EPHA6: variants seen among roughly 807,000 people sequenced by gnomAD.
The protein encoded by EPHA6 is EPH receptor A6, also known as ephrin type-A receptor 6.
A neutral mutation model predicts 112.0 loss-of-function variants in EPHA6; 50 were observed. The ratio of observed to expected loss-of-function variants is 0.45; its 90% confidence interval spans 0.36 to 0.56. The LOEUF is 0.56. Among genes scored for constraint, EPHA6 ranks in the 20% least tolerant of loss-of-function variants. The probability of loss-of-function intolerance (pLI) is 0.00; values close to 1 mark genes in which losing one functional copy is unlikely to be tolerated. For missense variants in EPHA6, 1,280 were observed against 1,417.4 expected, an observed-to-expected ratio of 0.90 and a Z score of 1.56; for synonymous variants, 529 against 490.7, an observed-to-expected ratio of 1.08 and a Z score of -1.03.
intron 2 of EPHA6, among the ~76,000 whole-genome samples, chr3:96,887,981 G>T (rs11926077): frequency 0.016 from 2,382 of 152,194 alleles, 64 homozygotes; most frequent in African/African-American, 0.048. Flanking sequence ...TAGGTGGAGA[G>T]TGATGTGGGC....
intron 3 of EPHA6, among the ~76,000 whole-genome samples, chr3:97,034,999 A>T (rs573120793): frequency 1.8e-4 from 27 of 152,060 alleles, no homozygotes; most frequent in African/African-American, 6.5e-4. Flanking sequence ...ATTCTGCCAA[A>T]CTTCTAAGAA....
chr3:96,942,869 G>A (rs1221934462), intron 2 of EPHA6, among the ~76,000 whole-genome samples: 15 of 152,060 alleles, frequency 9.9e-5, no homozygotes, highest in Admixed American at 9.8e-4. Flanking sequence ...AAATGACCTT[G>A]AAGGGACTTT....
intron 5 of EPHA6, among the ~76,000 whole-genome samples, chr3:97,275,285 A>G (rs1483693928): frequency 6.6e-6 from 1 of 152,156 alleles, no homozygotes; most frequent in East Asian, 1.9e-4. Flanking sequence ...ATGCCGAGAT[A>G]GGTAACAGAT....
At chr3:97,077,753 A>G (rs1221241438) in intron 3 of EPHA6, among the ~76,000 whole-genome samples, 2 of 152,062 alleles carry the variant, frequency 1.3e-5, no homozygotes, top group African/African-American at 2.4e-5. Context: ...ATGGTATTCC[A>G]TGGTGTGTAT....
chr3:97,047,166 T>C (rs1414178669), intron 3 of EPHA6, among the ~76,000 whole-genome samples: 1 of 152,050 alleles, frequency 6.6e-6, no homozygotes, highest in Non-Finnish European at 1.5e-5. Flanking sequence ...TAAAAAATAC[T>C]AAACATATTG....
chr3:97,243,214 C>T (rs2078898454), intron 4 of EPHA6, among the ~76,000 whole-genome samples: 1 of 151,738 alleles, frequency 6.6e-6, no homozygotes. Flanking sequence ...CTCTTTTAGG[C>T]CCACGCTTAG....
chr3:97,747,648 ACCTTT>A, intron 17 of EPHA6, 76 bp downstream of exon 17: 2 of 1,307,774 alleles, frequency 1.5e-6, no homozygotes, highest in Non-Finnish European at 2.0e-6. Context: ...TATCAAGAAC[ACCTTT>A]CCTTAGGCTA....
intron 5 of EPHA6, among the ~76,000 whole-genome samples, chr3:97,368,665 CT>C (rs1559928566): frequency 6.6e-6 from 1 of 152,012 alleles, no homozygotes; most frequent in South Asian, 2.1e-4. Context: ...ATTTAAAAGC[CT>C]TTTTGAAATT....
At chr3:97,394,937 G>T (rs1340523243) in intron 5 of EPHA6, among the ~76,000 whole-genome samples, 3 of 151,268 alleles carry the variant, frequency 2.0e-5, no homozygotes, top group Non-Finnish European at 4.4e-5. Flanking sequence ...TGCTTACTTT[G>T]GGCACACCAG....
intron 11 of EPHA6, among the ~76,000 whole-genome samples, chr3:97,567,271 A>G (rs1218357611): frequency 1.3e-5 from 2 of 152,222 alleles, no homozygotes; most frequent in African/African-American, 4.8e-5. Context: ...AATCCTATGA[A>G]TGATTTGAAG....
At chr3:96,957,052 T>G (rs2041793350) in intron 2 of EPHA6, among the ~76,000 whole-genome samples, 1 of 150,136 alleles carries the variant, frequency 6.7e-6, no homozygotes, top group Admixed American at 6.7e-5. Flanking sequence ...AAAAAAAATC[T>G]GAACCACAGT....
At chr3:96,851,638 T>C (rs2035394041) in intron 1 of EPHA6, among the ~76,000 whole-genome samples, 1 of 152,148 alleles carries the variant, frequency 6.6e-6, no homozygotes, top group African/African-American at 2.4e-5. Context: ...AACTTGCCAC[T>C]TCCCCACCTG....
intron 2 of EPHA6, among the ~76,000 whole-genome samples, chr3:96,881,320 C>T (rs1464243932): frequency 6.6e-6 from 1 of 152,184 alleles, no homozygotes; most frequent in Admixed American, 6.5e-5. Flanking sequence ...CAAAGTTCCA[C>T]TTGGCTGGGG....
At chr3:96,979,402 A>G (rs1017926465) in intron 2 of EPHA6, among the ~76,000 whole-genome samples, 1 of 152,112 alleles carries the variant, frequency 6.6e-6, no homozygotes, top group African/African-American at 2.4e-5. Flanking sequence ...GTGGCTGCAT[A>G]GTATTCCATG....
At chr3:97,205,691 A>G (rs561881623) in intron 3 of EPHA6, among the ~76,000 whole-genome samples, 10 of 152,212 alleles carry the variant, frequency 6.6e-5, no homozygotes, top group African/African-American at 2.4e-4. Flanking sequence ...AGGACTATAC[A>G]TGACTGGAAT....
chr3:97,437,385 C>T (rs1051621932), intron 6 of EPHA6, among the ~76,000 whole-genome samples: 13 of 152,144 alleles, frequency 8.5e-5, no homozygotes, highest in Admixed American at 3.3e-4. Context: ...TCTGCCATGT[C>T]GTTATAATGG....
chr3:97,173,915 A>C (rs568808322), intron 3 of EPHA6, among the ~76,000 whole-genome samples: 1 of 151,876 alleles, frequency 6.6e-6, no homozygotes, highest in African/African-American at 2.4e-5. Flanking sequence ...ATTTTAAAAT[A>C]TTCAATTAAG....
At chr3:97,081,092 A>G (rs1576452284) in intron 3 of EPHA6, among the ~76,000 whole-genome samples, 1 of 113,648 alleles carries the variant, frequency 8.8e-6, no homozygotes, top group Middle Eastern at 4.8e-3. Context: ...TCATATATGG[A>G]AAAAAAAAAG....
In EPHA6 at chr3:97,632,126, A is replaced by G. The variant is rs1286431493; in HGVS notation, c.2575-5747A>G. On this transcript the variant is annotated intron_variant, in intron 13 of 17. Transcript: ENST00000389672. ...GTCAACACTTCAGTACTTCTTGTTC[A>G]TTCGTGATCTTTGCAGAGAATCTCC... Among the ~76,000 whole-genome samples, 5 of 152,062 alleles carry G rather than the reference A, an allele frequency of 3.3e-5. No individual in the cohort carries two copies. In the South Asian group the frequency reaches 1.0e-3, roughly 31 times the overall value.
Sources: allele counts gnomAD v4.1 joint callset (sites outside exome capture counted in the v4.1 genomes callset), GRCh38; gene constraint gnomAD v4.1.1; transcripts MANE v1.5; gene names NCBI Gene and HGNC (gene_info 2026-07-23, HGNC 2026-07-21).